CCDC57: variants seen among roughly 807,000 people sequenced by gnomAD.
The protein encoded by CCDC57 is coiled-coil domain-containing protein 57.
Under a neutral mutation model 118.9 loss-of-function variants are expected in CCDC57, and 118 were observed. The ratio of observed to expected loss-of-function variants is 0.99; its 90% CI spans 0.86 to 1.16. The LOEUF (loss-of-function observed/expected upper bound fraction) is 1.16, where lower values mean the gene tolerates loss of function less well. CCDC57 is among the 50% of genes most tolerant of loss of function. The pLI, the probability that CCDC57 is intolerant of heterozygous loss-of-function variation, is 0.00. For synonymous variants in CCDC57, 527 were observed against 532.9 expected (o/e 0.99, Z 0.15); for missense variants, 1,300 against 1,320.7 (o/e 0.98, Z 0.24).
intron 19 of CCDC57, among the ~76,000 whole-genome samples, chr17:82,109,586 G>A (rs911835412): frequency 1.3e-4 from 20 of 152,128 alleles, no homozygotes; most frequent in Admixed American, 9.2e-4. Flanking sequence ...GGCCAGGCGC[G>A]GTGGCTCACA....
At chr17:82,107,852 G>A (rs569152530) in intron 19 of CCDC57, among the ~76,000 whole-genome samples, 34 of 152,296 alleles carry the variant, frequency 2.2e-4, no homozygotes, top group Admixed American at 6.5e-4. Flanking sequence ...GCCATCGGGT[G>A]CTCTCAGGAC....
At chr17:82,168,367 AGTGGATCAC>A (rs1460550907) in intron 13 of CCDC57, among the ~76,000 whole-genome samples, 1 of 152,130 alleles carries the variant, frequency 6.6e-6, no homozygotes, top group Admixed American at 6.5e-5. Flanking sequence ...GGCCAGCGCA[AGTGGATCAC>A]CTGAGGCCAG....
intron 15 of CCDC57, chr17:82,156,166 C>G (rs2042654176): frequency 6.6e-6 from 1 of 152,062 alleles, no homozygotes; most frequent in Non-Finnish European, 1.5e-5. Context: ...CGTGGTGCAC[C>G]TGTAATCCCA....
chr17:82,184,277 TGCCCACAGA>T (rs1159681904), intron 8 of CCDC57, among the ~76,000 whole-genome samples: 1 of 151,992 alleles, frequency 6.6e-6, no homozygotes, highest in East Asian at 1.9e-4. Context: ...ATGCCTCCCA[TGCCCACAGA>T]GCCCACAGTC....
chr17:82,175,017 G>A (rs767698509), intron 11 of CCDC57, among the ~76,000 whole-genome samples: 22 of 152,198 alleles, frequency 1.4e-4, no homozygotes, highest in Non-Finnish European at 2.9e-4. Flanking sequence ...ACTGCCCACC[G>A]CAGTGCCGTG....
chr17:82,174,367 C>A (rs1170381176), intron 11 of CCDC57, among the ~76,000 whole-genome samples: 2 of 152,364 alleles, frequency 1.3e-5, no homozygotes, highest in East Asian at 3.9e-4. Flanking sequence ...GATGCCTAAC[C>A]CTGTTTTTAC....
chr17:82,126,968 C>G, intron 19 of CCDC57: 1 of 985,116 alleles, frequency 1.0e-6, no homozygotes, highest in Non-Finnish European at 1.2e-6. Context: ...TCACACGTCC[C>G]GCAACTCCAG....
intron 19 of CCDC57, chr17:82,106,530 C>G (rs1004561805): frequency 7.2e-5 from 11 of 152,300 alleles, no homozygotes; most frequent in African/African-American, 2.7e-4. Flanking sequence ...ATCTCCACAC[C>G]CCACCCTTCT....
exon 16 of CCDC57, chr17:82,151,700 C>T (rs778888967): frequency 7.1e-6 from 11 of 1,550,402 alleles, no homozygotes; most frequent in Non-Finnish European, 9.6e-6. Context: ...CTGGGGGGCA[C>T]GTGCCACTGA....
At chr17:82,174,218 C>T (rs1374151583) in intron 11 of CCDC57, among the ~76,000 whole-genome samples, 2 of 152,216 alleles carry the variant, frequency 1.3e-5, no homozygotes, top group African/African-American at 4.8e-5. Flanking sequence ...TCTGACTGCC[C>T]GCTGGCTCCT....
Position 82,205,467 on chromosome 17 carries a change from G to A in CCDC57, c.-9+2380C>T, listed in dbSNP as rs140719949. On this transcript the variant is annotated intron_variant, in intron 2 of 19. Coordinates refer to ENST00000665763, the Ensembl canonical transcript of CCDC57. Reference sequence around the variant, plus strand: ...TAAAGTCCGATCTCCTTGGCACAGCGTATGAAGACAGACCGAGGACACGGC... The same window carrying A: ...TAAAGTCCGATCTCCTTGGCACAGCATATGAAGACAGACCGAGGACACGGC... 2.5e-3 allele frequency among the ~76,000 whole-genome samples: 381 copies of A among 152,314 alleles called. 4 individuals are homozygous for A. Among genetic ancestry groups the A allele is most frequent in the Admixed American group, 3.7e-3 (56 of 15,300 alleles).
rs191938919 is a variant in CCDC57, at chr17:82,195,274, G to A, written c.607C>T (p.Arg203Trp). 215 of 1,594,352 alleles carry A rather than the reference G, an allele frequency of 1.3e-4. No homozygotes were observed. In the Middle Eastern group the frequency reaches 2.6e-3, roughly 20 times the overall value. ...GTGCCCCCAGTTACCTTAAGCTCCC[G>A]GGACAAGGCTGTGTTGCTCATGTTG... The change falls in exon 5 of 20, where the codon CGG becomes TGG. Residue 203 changes from arginine (R) to tryptophan (W), a missense_variant. Arg to Trp is a moderately radical substitution (Grantham distance 101). Transcript: ENST00000665763.
intron 13 of CCDC57, among the ~76,000 whole-genome samples, chr17:82,165,543 G>A (rs981294960): frequency 2.6e-5 from 4 of 151,892 alleles, no homozygotes; most frequent in African/African-American, 4.8e-5. Flanking sequence ...GCAAGAAGAC[G>A]GGGACGTGCA....
chr17:82,130,499 CTT>C (rs35413191), intron 17 of CCDC57, among the ~76,000 whole-genome samples: 4 of 88,930 alleles, frequency 4.5e-5, no homozygotes, highest in African/African-American at 4.5e-5. Context: ...CCAGACAAAA[CTT>C]TTTTTTTTTT....
chr17:82,183,671 T>G (rs980675105), intron 9 of CCDC57, 103 bp downstream of exon 8: 5 of 1,108,416 alleles, frequency 4.5e-6, no homozygotes, highest in Non-Finnish European at 6.3e-6. Flanking sequence ...CAAGAAAATG[T>G]GAGGCCAGGG....
At position 82,188,330 on chromosome 17, in the gene CCDC57, T is replaced by C. The variant is rs1350854934; in HGVS notation, c.941A>G (p.Gln314Arg). ...GGCCTGCAGCTCCAGAACCCTGGTCTGCAGCTCCTGCAGCTGCTCCACGTG... is the reference window on the plus strand; with the variant it reads ...GGCCTGCAGCTCCAGAACCCTGGTCCGCAGCTCCTGCAGCTGCTCCACGTG... The change falls in exon 8 of 20, where the codon CAG (glutamine) becomes CGG (arginine). Residue 314 changes from glutamine (Q) to arginine (R), a missense_variant. Physicochemically the swap from Gln to Arg is conservative, Grantham distance 43. Transcript: ENST00000665763. 1.9e-6 allele frequency: 3 copies of C among 1,608,146 alleles called. No individual in the cohort carries two copies. Among genetic ancestry groups the C allele is most frequent in the Non-Finnish European group, 2.5e-6 (3 of 1,178,652 alleles).
At chr17:82,170,628 A>G (rs967513683) in intron 13 of CCDC57, among the ~76,000 whole-genome samples, 1 of 152,054 alleles carries the variant, frequency 6.6e-6, no homozygotes, top group Non-Finnish European at 1.5e-5. Flanking sequence ...GCCGTCTGCA[A>G]GCCACAGAGA....
chr17:82,136,664 C>T (rs1183813357), intron 16 of CCDC57, among the ~76,000 whole-genome samples: 5 of 149,660 alleles, frequency 3.3e-5, no homozygotes, highest in East Asian at 2.1e-4. Flanking sequence ...GTGGTGCAAT[C>T]GCGGCTCACT....
At chr17:82,150,558 C>T (rs1379830271) in intron 16 of CCDC57, among the ~76,000 whole-genome samples, 2 of 61,464 alleles carry the variant, frequency 3.3e-5, no homozygotes, top group African/African-American at 6.4e-5. Context: ...GACCCACACC[C>T]AGAACCAGGC....
Sources: gnomAD v4.1 joint callset for allele counts (sites outside exome capture counted in the v4.1 genomes callset) on GRCh38, gnomAD v4.1.1 for gene constraint, MANE v1.5 for transcripts, NCBI Gene and HGNC (gene_info 2026-07-23, HGNC 2026-07-21) for gene names.